The following GDAP1L1 variants were observed in gnomAD, a reference collection of about 807,000 sequenced individuals.
The protein encoded by GDAP1L1 is ganglioside induced differentiation associated protein 1 like 1, also known as ganglioside-induced differentiation-associated protein 1-like 1.
Under a neutral mutation model 37.1 loss-of-function variants are expected in GDAP1L1, and 21 were observed. The observed-to-expected ratio is 0.57, with a 90% CI of 0.40 to 0.81. The LOEUF is 0.81. Ranked by LOEUF, GDAP1L1 falls within the 40% of genes least tolerant of loss-of-function variation. GDAP1L1 has a pLI of 0.00. For synonymous variants in GDAP1L1, 193 were observed against 209.1 expected (o/e 0.92, Z 0.67); for missense variants, 362 against 491.6 (o/e 0.74, Z 2.49).
chr20:44,263,514 G>C (rs542250615), intron 4 of GDAP1L1, among the ~76,000 whole-genome samples, 187 bp downstream of exon 4: 2 of 152,184 alleles, frequency 1.3e-5, no homozygotes, highest in African/African-American at 4.8e-5. Context: ...CTGCCCTCGG[G>C]CCTCAGTTTC....
Position 44,259,201 on chromosome 20 carries a change from AG to A in GDAP1L1, c.547+595del, listed in dbSNP as rs576589387. Among the ~76,000 whole-genome samples, 20 of 152,298 alleles carry A rather than the reference AG, an allele frequency of 1.3e-4. No homozygotes were observed. The South Asian group carries it at 3.9e-3, about 30-fold the overall frequency. ...TAATGGCCAGCCTGGACATGCTCAC[AG>A]CCTACTTCATCCTTTTGTATCTGAC... is the stretch of plus-strand genomic sequence containing the variant. On this transcript the variant is annotated intron_variant, in intron 3 of 5. Coordinates refer to ENST00000342560, the MANE Select transcript of GDAP1L1 (RefSeq NM_024034.6).
At chr20:44,273,254 G>A (rs951277789) in intron 5 of GDAP1L1, among the ~76,000 whole-genome samples, 2 of 152,188 alleles carry the variant, frequency 1.3e-5, no homozygotes, top group Non-Finnish European at 2.9e-5. Context: ...GTTGTTGGAA[G>A]ATCCAGGGAA....
chr20:44,274,260 A>G (rs1180380079), intron 5 of GDAP1L1, among the ~76,000 whole-genome samples: 1 of 152,042 alleles, frequency 6.6e-6, no homozygotes, highest in Non-Finnish European at 1.5e-5. Context: ...ACTCTTCCCC[A>G]TAGAATCTTT....
At chr20:44,264,667 G>T in intron 5 of GDAP1L1, 108 bp downstream of exon 5, 2 of 1,509,700 alleles carry the variant, frequency 1.3e-6, no homozygotes, top group South Asian at 2.4e-5. Context: ...GACCTCCCAG[G>T]TGGTTAAGAG....
intron 1 of GDAP1L1, among the ~76,000 whole-genome samples, chr20:44,254,179 C>T (rs914336985): frequency 1.3e-5 from 2 of 152,226 alleles, no homozygotes; most frequent in African/African-American, 4.8e-5. Flanking sequence ...CCTGCTCCCA[C>T]GCATGCACAC....
chr20:44,277,173 C>T lies in GDAP1L1; in HGVS notation c.761-1784C>T, dbSNP rs540621674. ...CTGAGAAGCTGGGATTACAGGTAAC[C>T]GCCACCATGCCTGGCTAATTTTTGT... On this transcript the variant is annotated intron_variant, in intron 5 of 5. Coordinates refer to ENST00000342560, the MANE Select transcript of GDAP1L1 (RefSeq NM_024034.6). Among the ~76,000 whole-genome samples the T allele has an allele frequency of 5.3e-5, 8 of 152,218 alleles. No homozygotes were observed. In the South Asian group the frequency reaches 1.2e-3, roughly 24 times the overall value.
At chr20:44,255,541 CAAAAAAAAAAAAAA>C (rs60318296) in intron 1 of GDAP1L1, among the ~76,000 whole-genome samples, 1 of 45,814 alleles carries the variant, frequency 2.2e-5, no homozygotes, top group Non-Finnish European at 4.7e-5. Flanking sequence ...GACTCTGTCT[CAAAAAAAAAAAAAA>C]AAAAAAAAAA....
Position 44,250,932 on chromosome 20 carries a change from A to G in GDAP1L1, c.180+3418A>G, listed in dbSNP as rs2073429908. On this transcript the variant is annotated intron_variant, in intron 1 of 5. Transcript: ENST00000342560. ...GGTCCTCAGTTTTCTCAGCAGGGAA[A>G]TGAACCAGATGTTTGATACAACGTG... Among the ~76,000 whole-genome samples the G allele has an allele frequency of 2.6e-5, 4 of 151,974 alleles. No individual in the cohort carries two copies. The South Asian group carries it at 8.3e-4, about 32-fold the overall frequency.
chr20:44,258,332 G>A, intron 2 of GDAP1L1, 102 bp from the exon 3 acceptor site: 1 of 1,164,938 alleles, frequency 8.6e-7, no homozygotes, highest in Non-Finnish European at 1.3e-6. Flanking sequence ...GGTGCCCAGG[G>A]CCTCTGGGCA....
chr20:44,270,933 G>GAGTA (rs1568656853), intron 5 of GDAP1L1, among the ~76,000 whole-genome samples: 1 of 152,192 alleles, frequency 6.6e-6, no homozygotes, highest in Non-Finnish European at 1.5e-5. Context: ...CTGAAGGGAG[G>GAGTA]AGTATATCAA....
chr20:44,251,749 C>A (rs1181108996), intron 1 of GDAP1L1, among the ~76,000 whole-genome samples: 1 of 152,216 alleles, frequency 6.6e-6, no homozygotes, highest in African/African-American at 2.4e-5. Flanking sequence ...CCTAACCTTG[C>A]TTGAGTCAAG....
chr20:44,262,645 C>T (rs1210356359), intron 3 of GDAP1L1, among the ~76,000 whole-genome samples: 1 of 150,900 alleles, frequency 6.6e-6, no homozygotes, highest in South Asian at 2.1e-4. Context: ...TTTACTCATG[C>T]TGTACCATAG....
intron 5 of GDAP1L1, among the ~76,000 whole-genome samples, chr20:44,277,233 C>G (rs1223265092): frequency 1.3e-5 from 2 of 152,136 alleles, no homozygotes; most frequent in Non-Finnish European, 2.9e-5. Context: ...TCCCAAAGTG[C>G]TGGGATTACA....
rs144429699 is a variant in GDAP1L1 at position 44,272,394 on chromosome 20, G to A, written c.761-6563G>A. Among the ~76,000 whole-genome samples, 5 of 152,282 alleles carry A rather than the reference G, an allele frequency of 3.3e-5. No individual in the cohort carries two copies. The East Asian group carries it at 9.7e-4, about 29-fold the overall frequency. On this transcript the variant is annotated intron_variant, in intron 5 of 5. Transcript: ENST00000342560. ...CATGAGGTGATGTCATTGGCTGAGAGGGAGCTGGGGAAAGGATGTGAGAAG... is the reference window on the plus strand; with the variant it reads ...CATGAGGTGATGTCATTGGCTGAGAAGGAGCTGGGGAAAGGATGTGAGAAG...
At chr20:44,278,684 T>C (rs978407710) in intron 5 of GDAP1L1, among the ~76,000 whole-genome samples, 3 of 152,184 alleles carry the variant, frequency 2.0e-5, no homozygotes, top group Non-Finnish European at 4.4e-5. Flanking sequence ...CCTGGCCACG[T>C]ATTTGCACTT....
In GDAP1L1 at chr20:44,257,155, G is replaced by A. The variant is rs2073567784; in HGVS notation, c.183G>A (p.Val61=). The change falls in exon 2 of 6, where the codon GTG becomes GTA. Residue 61 remains valine, a splice_region_variant and synonymous_variant. Coordinates refer to ENST00000342560, the MANE Select transcript of GDAP1L1 (RefSeq NM_024034.6). ...HWTQSFSSQK[V]RLVIAEKGLV... The stretch of plus-strand genomic sequence containing the variant: ...CGCTCTGACCCTGGCGCCTGCAGGT[G>A]CGGCTGGTGATCGCCGAGAAGGGCC... 8.8e-6 allele frequency: 14 copies of A among 1,586,300 alleles called. No homozygotes were observed. The highest frequency in any genetic ancestry group is 1.2e-5 in the Non-Finnish European group (14 of 1,168,660).
At chr20:44,264,309 G>T in intron 4 of GDAP1L1, 136 bp from the exon 5 acceptor site, 1 of 1,226,408 alleles carries the variant, frequency 8.2e-7, no homozygotes, top group Non-Finnish European at 1.0e-6. Context: ...CTTCATAACG[G>T]GGGGGCATCC....
At chr20:44,269,018 C>A (rs1367317081) in intron 5 of GDAP1L1, among the ~76,000 whole-genome samples, 1 of 152,124 alleles carries the variant, frequency 6.6e-6, no homozygotes, top group Admixed American at 6.5e-5. Flanking sequence ...ATGGGCTGGG[C>A]TCAGCTGGGA....
At chr20:44,254,044 G>A (rs1271275007) in intron 1 of GDAP1L1, among the ~76,000 whole-genome samples, 1 of 152,220 alleles carries the variant, frequency 6.6e-6, no homozygotes, top group Non-Finnish European at 1.5e-5. Flanking sequence ...AGCTTGGCCT[G>A]GAGGATGGAG....
Sources: allele counts gnomAD v4.1 joint callset (sites outside exome capture counted in the v4.1 genomes callset), GRCh38; gene constraint gnomAD v4.1.1; transcripts MANE v1.5; gene names NCBI Gene and HGNC (gene_info 2026-07-23, HGNC 2026-07-21).